HHAT: variants seen among roughly 807,000 people sequenced by gnomAD.
The protein encoded by HHAT is hedgehog acyltransferase, also known as protein-cysteine N-palmitoyltransferase HHAT.
HHAT carries 47 observed loss-of-function variants against 70.8 expected under a neutral mutation model. The observed-to-expected ratio is 0.66, with a 90% confidence interval of 0.53 to 0.85. The LOEUF is 0.85. HHAT is among the 40% of genes least tolerant of loss of function. The probability of loss-of-function intolerance (pLI) is 0.00; values close to 1 mark genes in which losing one functional copy is unlikely to be tolerated. For missense variants in HHAT, 609 were observed against 604.8 expected (o/e 1.01, Z -0.07); for synonymous variants, 228 against 247.6 (o/e 0.92, Z 0.74).
chr1:210,547,252 G>A (rs1173304480), intron 9 of HHAT, among the ~76,000 whole-genome samples: 1 of 152,202 alleles, frequency 6.6e-6, no homozygotes. Context: ...CTTGAACCCG[G>A]GAGGCAGAGG....
At chr1:210,348,116 G>GTGCC (rs1244862198) in intron 1 of HHAT, among the ~76,000 whole-genome samples, 2 of 152,202 alleles carry the variant, frequency 1.3e-5, no homozygotes, top group South Asian at 4.1e-4. Context: ...ACAGTGGCTT[G>GTGCC]TGCCTATAAA....
chr1:210,560,246 T>C (rs971856791), intron 9 of HHAT, among the ~76,000 whole-genome samples: 10 of 152,198 alleles, frequency 6.6e-5, no homozygotes, highest in African/African-American at 2.4e-4. Flanking sequence ...CTTCTTAGAA[T>C]TGTGAACAAA....
intron 7 of HHAT, among the ~76,000 whole-genome samples, chr1:210,444,315 GT>G (rs2093589712): frequency 7.5e-6 from 1 of 133,616 alleles, no homozygotes; most frequent in Non-Finnish European, 1.7e-5. Flanking sequence ...CTCTTTTTTT[GT>G]TGTGTCTCTG....
chr1:210,508,807 G>A (rs1169190544), intron 8 of HHAT, among the ~76,000 whole-genome samples: 3 of 152,222 alleles, frequency 2.0e-5, no homozygotes, highest in African/African-American at 7.2e-5. Context: ...ATTTTAGGAT[G>A]CACTGTTAAT....
rs116636769 is a variant in HHAT at position 210,470,251 on chromosome 1, C to T, written c.1007+5596C>T. ...GAGGTGAGTGACAAAAGGTGAAAGA[C>T]GGATTTCAAATTAGACGCATGGGAG... On this transcript the variant is annotated intron_variant, in intron 8 of 11. Transcript: ENST00000261458. Among the ~76,000 whole-genome samples, 1,306 of 152,232 alleles carry T rather than the reference C, an allele frequency of 8.6e-3. 24 individuals are homozygous for T. Among genetic ancestry groups the T allele is most frequent in the African/African-American group, 0.03 (1,236 of 41,538 alleles).
At position 210,630,031 on chromosome 1, in the gene HHAT, C is replaced by T. The variant is rs375298169; in HGVS notation, c.1390+6361C>T. Among the ~76,000 whole-genome samples the T allele has an allele frequency of 3.9e-5, 6 of 151,998 alleles. No individual in the cohort carries two copies. In the South Asian group the frequency reaches 1.3e-3, roughly 32 times the overall value. ...CTAATTTTTGTATATTTAGTAGAGA[C>T]GGGGTTTCACCATGTTCGTCAGGCT... On this transcript the variant is annotated intron_variant, in intron 11 of 11. Coordinates refer to ENST00000261458, the MANE Select transcript of HHAT (RefSeq NM_018194.6).
chr1:210,360,314 T>TG (rs977198385), intron 2 of HHAT, among the ~76,000 whole-genome samples: 5 of 151,314 alleles, frequency 3.3e-5, no homozygotes, highest in South Asian at 2.1e-4. Context: ...GTTTTTTTTT[T>TG]TTTGTTTTGT....
intron 9 of HHAT, among the ~76,000 whole-genome samples, chr1:210,559,031 A>T (rs1229945749): frequency 6.6e-6 from 1 of 152,184 alleles, no homozygotes; most frequent in South Asian, 2.1e-4. Context: ...CCGTTCGGTC[A>T]GTTCATTGTC....
chr1:210,529,417 C>A (rs1450011235), intron 9 of HHAT, among the ~76,000 whole-genome samples: 2 of 151,736 alleles, frequency 1.3e-5, no homozygotes, highest in Non-Finnish European at 2.9e-5. Context: ...GGGATATCAA[C>A]GTGGTACTGA....
Position 210,526,896 on chromosome 1 carries a change from A to C in HHAT, c.1043+13708A>C, listed in dbSNP as rs557350200. On this transcript the variant is annotated intron_variant, in intron 9 of 11. Transcript: ENST00000261458. ...AATATATATTTGGTCTCTGCCTCCC[A>C]GTTTCCAGCACAGAGCTCCTAAAAC... Among the ~76,000 whole-genome samples the C allele has an allele frequency of 2.6e-5, 4 of 152,300 alleles. No homozygotes were observed. In the South Asian group the frequency reaches 8.3e-4, roughly 32 times the overall value.
chr1:210,476,412 G>A (rs1475201568), intron 8 of HHAT, among the ~76,000 whole-genome samples: 1 of 152,218 alleles, frequency 6.6e-6, no homozygotes, highest in African/African-American at 2.4e-5. Flanking sequence ...TTCTCTGGTT[G>A]TCATGCTTGC....
intron 11 of HHAT, among the ~76,000 whole-genome samples, chr1:210,662,844 A>G (rs1678047855): frequency 6.6e-6 from 1 of 152,160 alleles, no homozygotes; most frequent in East Asian, 1.9e-4. Flanking sequence ...TGAAAAATGC[A>G]GTAGAAGTTG....
intron 11 of HHAT, among the ~76,000 whole-genome samples, chr1:210,664,759 C>T (rs1209405300): frequency 6.6e-6 from 1 of 152,232 alleles, no homozygotes; most frequent in African/African-American, 2.4e-5. Flanking sequence ...CATGTGACCC[C>T]TCTTTTTGTA....
chr1:210,659,004 A>C (rs558144988), intron 11 of HHAT, among the ~76,000 whole-genome samples: 23 of 152,354 alleles, frequency 1.5e-4, no homozygotes, highest in Admixed American at 1.4e-3. Flanking sequence ...TAAAATCGAC[A>C]TCCTAACATC....
In HHAT at chr1:210,362,748, C is replaced by G. The variant is rs2088481658; in HGVS notation, c.92-104C>G. On this transcript the variant is annotated intron_variant, in intron 2 of 11. Transcript: ENST00000261458. ...CCGTGCCTGCACCTTAGTCCACTGG[C>G]TGCTTTTCCAGGACATAGTCCAATT... The G allele has an allele frequency of 1.2e-5, 11 of 891,636 alleles. No homozygotes were observed. In the South Asian group the frequency reaches 1.3e-4, roughly 10 times the overall value. The allele number at this position is 891,636 out of a possible 1,614,324, so 55.2% of individuals were successfully genotyped here.
chr1:210,399,110 C>A (rs552275407), intron 4 of HHAT, among the ~76,000 whole-genome samples: 1 of 152,334 alleles, frequency 6.6e-6, no homozygotes, highest in South Asian at 2.1e-4. Flanking sequence ...AGTTCAGGCA[C>A]TTATCACTTT....
At chr1:210,412,819 C>T (rs1364625341) in intron 6 of HHAT, among the ~76,000 whole-genome samples, 1 of 152,256 alleles carries the variant, frequency 6.6e-6, no homozygotes, top group Non-Finnish European at 1.5e-5. Flanking sequence ...TGCCTCTGTG[C>T]AGTTCTTTGT....
At chr1:210,579,128 C>T (rs1410075902) in intron 9 of HHAT, among the ~76,000 whole-genome samples, 4 of 152,024 alleles carry the variant, frequency 2.6e-5, no homozygotes, top group African/African-American at 4.8e-5. Context: ...AGGGGAATGA[C>T]AGACACGGGA....
At chr1:210,601,741 T>C (rs1231069655) in intron 10 of HHAT, among the ~76,000 whole-genome samples, 1 of 152,058 alleles carries the variant, frequency 6.6e-6, no homozygotes, top group East Asian at 1.9e-4. Flanking sequence ...AAAGACATAA[T>C]AAAACCATGA....
Sources: allele counts gnomAD v4.1 joint callset (sites outside exome capture counted in the v4.1 genomes callset), GRCh38; gene constraint gnomAD v4.1.1; transcripts MANE v1.5; gene names NCBI Gene and HGNC (gene_info 2026-07-23, HGNC 2026-07-21).